Variants in CHPT1 observed in about 807,000 individuals in gnomAD.
CHPT1 encodes cholinephosphotransferase 1.
Under a neutral mutation model 47.6 loss-of-function variants are expected in CHPT1, and 36 were observed. The observed-to-expected ratio is 0.76, with a 90% confidence interval of 0.58 to 1.00. CHPT1 has a LOEUF of 1.00. CHPT1 is among the 50% of genes least tolerant of loss of function. The pLI is 0.00. For missense variants in CHPT1, 458 were observed against 498.1 expected (o/e 0.92, Z 0.77); for synonymous variants, 194 against 186.3 (o/e 1.04, Z -0.33).
chr12:101,726,246 A>G, intron 7 of CHPT1, 48 bp from the exon 8 acceptor site: 1 of 1,293,298 alleles, frequency 7.7e-7, no homozygotes, highest in Non-Finnish European at 1.1e-6. Flanking sequence ...GCTACTTGAG[A>G]AAAGATAGAT....
Position 101,710,451 on chromosome 12 carries a change from T to C in CHPT1, c.274-3639T>C, listed in dbSNP as rs567114666. Among the ~76,000 whole-genome samples, 32 of 149,068 alleles carry C rather than the reference T, an allele frequency of 2.1e-4. 5 individuals carry two copies. Among genetic ancestry groups the C allele is most frequent in the Non-Finnish European group, 4.8e-4 (32 of 66,544 alleles). On this transcript the variant is annotated intron_variant, in intron 1 of 8. Transcript: ENST00000229266. ...AAATTACCTGTTCCAGGAACATGGA[T>C]CTAGTCACTGACTCCAGTAAACCTT...
chr12:101,700,756 A>G (rs1467186641), intron 1 of CHPT1, among the ~76,000 whole-genome samples: 3 of 152,206 alleles, frequency 2.0e-5, no homozygotes, highest in Non-Finnish European at 2.9e-5. Context: ...GCTTCCTACA[A>G]TGGCCCTCCT....
rs777010011 is a variant in CHPT1 at position 101,697,948 on chromosome 12, G to A, written c.87G>A (p.Leu29=). ...EPLSAAQLRR[L]EEHRYSAAGV... ...TGAGCGCGGCGCAGCTGCGGCGACT[G>A]GAGGAGCACCGCTACAGCGCGGCGG... Residue 29 remains leucine, a synonymous_variant, in exon 1 of 9, where the codon CTG becomes CTA. Transcript: ENST00000229266. The A allele has an allele frequency of 2.0e-6, 3 of 1,537,184 alleles. No individual in the cohort carries two copies. The highest frequency in any genetic ancestry group is 2.6e-6 in the Non-Finnish European group (3 of 1,152,322).
rs148284849 is a variant in CHPT1 at position 101,726,644 on chromosome 12, A to G, written c.1176+240A>G. 6.0e-6 allele frequency: 3 copies of G among 499,874 alleles called. No individual in the cohort carries two copies. In the East Asian group the frequency reaches 9.3e-5, roughly 15 times the overall value. The allele number at this position is 499,874 out of a possible 1,614,324, so 31.0% of individuals were successfully genotyped here. Reference sequence around the variant, plus strand: ...AGAATTGTCTACATATTAATTAGAAACAAGACTAAAGAAATGTCAATCCTG... The same window carrying G: ...AGAATTGTCTACATATTAATTAGAAGCAAGACTAAAGAAATGTCAATCCTG... On this transcript the variant is annotated intron_variant, in intron 8 of 8. Coordinates refer to ENST00000229266, the MANE Select transcript of CHPT1 (RefSeq NM_020244.3).
intron 6 of CHPT1, 30 bp from the exon 7 acceptor site, chr12:101,723,692 G>C: frequency 7.6e-7 from 1 of 1,315,094 alleles, no homozygotes; most frequent in Non-Finnish European, 1.0e-6. Context: ...AAACTTAATA[G>C]TAAAATTATT....
intron 2 of CHPT1, 123 bp downstream of exon 2, chr12:101,714,360 A>T (rs1173736540): frequency 6.8e-6 from 8 of 1,181,024 alleles, no homozygotes; most frequent in Admixed American, 2.8e-5. Flanking sequence ...TTTAAAAAGT[A>T]TGTCAAGAAT....
intron 4 of CHPT1, 76 bp downstream of exon 4, chr12:101,716,888 T>C: frequency 1.1e-6 from 1 of 896,760 alleles, no homozygotes; most frequent in Non-Finnish European, 1.6e-6. Context: ...GTTAATTTTC[T>C]TCAAAAATCC....
In CHPT1 at chr12:101,698,033, C is replaced by T; in HGVS notation, c.172C>T (p.Pro58Ser). 1 of 1,581,192 alleles carries T rather than the reference C, an allele frequency of 6.3e-7. No homozygotes were observed. Among genetic ancestry groups the T allele is most frequent in the South Asian group, 1.1e-5 (1 of 88,458 alleles). ...CTGGACCTGGCTGCTCCAGTGGATC[C>T]CGCTCTGGATGGCCCCCAACTCCAT... is the stretch of plus-strand genomic sequence containing the variant. ...LYWTWLLQWI[P>S]LWMAPNSITL... Residue 58 changes from proline to serine, a missense_variant, in exon 1 of 9, where the codon CCG (proline) becomes TCG (serine). Coordinates refer to ENST00000229266, the MANE Select transcript of CHPT1 (RefSeq NM_020244.3).
rs1362553190 is a variant in CHPT1, at chr12:101,698,099, G to T, written c.238G>T (p.Val80Leu). Residue 80 changes from valine (V) to leucine (L), a missense_variant, in exon 1 of 9, where the codon GTG (valine) becomes TTG (leucine). Coordinates refer to ENST00000229266, the MANE Select transcript of CHPT1 (RefSeq NM_020244.3). ...CGCCGTCAACGTGGTCACCACGCTC[G>T]TGCTCATCTCCTACTGTCCCACGGC... ...GLAVNVVTTL[V>L]LISYCPTATE... The T allele has an allele frequency of 1.9e-6, 3 of 1,554,398 alleles. No homozygotes were observed. Among genetic ancestry groups the T allele is most frequent in the African/African-American group, 2.8e-5 (2 of 70,948 alleles).
chr12:101,716,677 C>A, intron 3 of CHPT1, 51 bp from the exon 4 acceptor site: 2 of 1,200,794 alleles, frequency 1.7e-6, no homozygotes, highest in Non-Finnish European at 2.4e-6. Flanking sequence ...CCTCCATATT[C>A]AGGAATTTTA....
chr12:101,698,150 C>A lies in CHPT1; in HGVS notation c.273+16C>A, dbSNP rs1299627003. The A allele has an allele frequency of 1.4e-6, 2 of 1,444,548 alleles. No homozygotes were observed. The highest frequency in any genetic ancestry group is 2.5e-5 in the Admixed American group (1 of 39,954). The allele number at this position is 1,444,548 out of a possible 1,614,324, so 89.5% of individuals were successfully genotyped here. ...CACCGAAGAGGTAGGGCTGGCCGAT[C>A]GCCCGAGCCGGGCCCCAGATGCGCT... is the stretch of plus-strand genomic sequence containing the variant. On this transcript the variant is annotated intron_variant, in intron 1 of 8. Transcript: ENST00000229266.
intron 5 of CHPT1, among the ~76,000 whole-genome samples, chr12:101,720,582 T>C (rs1320743768): frequency 2.6e-5 from 4 of 152,158 alleles, no homozygotes; most frequent in Admixed American, 6.5e-5. Flanking sequence ...GAGTTCCTGA[T>C]TGAAAGCAGG....
rs1566033172 is a variant in CHPT1, at chr12:101,698,081, A to T, written c.220A>T (p.Asn74Tyr). The T allele has an allele frequency of 6.4e-7, 1 of 1,567,460 alleles. No individual in the cohort carries two copies. Among genetic ancestry groups the T allele is most frequent in the Admixed American group, 1.8e-5 (1 of 56,316 alleles). Reference protein sequence around the residue: ...NSITLLGLAVNVVTTLVLISY... With the variant: ...NSITLLGLAVYVVTTLVLISY... ...CATCACCCTGCTGGGGCTCGCCGTC[A>T]ACGTGGTCACCACGCTCGTGCTCAT... The change falls in exon 1 of 9, where the codon AAC becomes TAC. Residue 74 changes from asparagine to tyrosine, a missense_variant. By Grantham distance (143) the Asn-to-Tyr change is moderately radical. Transcript: ENST00000229266.
At chr12:101,715,059 AAC>A (rs1481584452) in intron 3 of CHPT1, 1 of 153,302 alleles carries the variant, frequency 6.5e-6, no homozygotes, top group African/African-American at 2.4e-5. Context: ...CCGCCTTGAC[AAC>A]AGTCACCAGC....
At chr12:101,701,826 G>A (rs1951558908) in intron 1 of CHPT1, among the ~76,000 whole-genome samples, 1 of 152,138 alleles carries the variant, frequency 6.6e-6, no homozygotes, top group African/African-American at 2.4e-5. Flanking sequence ...TTGGCTGCAG[G>A]AATGAAATAA....
intron 1 of CHPT1, among the ~76,000 whole-genome samples, chr12:101,699,802 C>G (rs563837627): frequency 6.6e-6 from 1 of 152,184 alleles, no homozygotes; most frequent in African/African-American, 2.4e-5. Flanking sequence ...CTGCCTGTTT[C>G]TAGAATTTAC....
intron 8 of CHPT1, chr12:101,728,622 T>G (rs1566046971): frequency 3.2e-6 from 1 of 317,164 alleles, no homozygotes; most frequent in African/African-American, 2.1e-5. Flanking sequence ...CTTTTGGGAT[T>G]GATAGAGATA....
In CHPT1 at chr12:101,698,173, G is replaced by T. The variant is rs1594117748; in HGVS notation, c.273+39G>T. 2.9e-6 allele frequency: 4 copies of T among 1,391,746 alleles called. No homozygotes were observed. The East Asian group carries it at 9.1e-5, about 32-fold the overall frequency. 86.2% of individuals were successfully genotyped at this position (1,391,746 alleles called of 1,614,324 possible). On this transcript the variant is annotated intron_variant, in intron 1 of 8. Transcript: ENST00000229266. ...ATCGCCCGAGCCGGGCCCCAGATGC[G>T]CTGCGGGCGGGTCGCTGGAGGCGCC...
At chr12:101,720,281 G>A in intron 5 of CHPT1, 27 bp downstream of exon 5, 3 of 1,565,330 alleles carry the variant, frequency 1.9e-6, no homozygotes, top group East Asian at 2.3e-5. Flanking sequence ...ATCATTCAGT[G>A]TCAATTTTAT....
Sources: gnomAD v4.1 joint callset for allele counts (sites outside exome capture counted in the v4.1 genomes callset) on GRCh38, gnomAD v4.1.1 for gene constraint, MANE v1.5 for transcripts, NCBI Gene and HGNC (gene_info 2026-07-23, HGNC 2026-07-21) for gene names.